Variants in LEMD3 observed in about 807,000 individuals in gnomAD.
LEMD3 encodes inner nuclear membrane protein Man1.
In LEMD3, 33 loss-of-function variants were observed where a neutral mutation model predicts 95.2. That is an observed-to-expected ratio of 0.35 (90% CI 0.26 to 0.46). The LOEUF (loss-of-function observed/expected upper bound fraction) is 0.46. Ranked by LOEUF, LEMD3 falls within the 20% of genes least tolerant of loss-of-function variation. The pLI is 1.00. For missense variants in LEMD3, 1,210 were observed against 1,192.8 expected, an observed-to-expected ratio of 1.01 and a Z score of -0.21; for synonymous variants, 525 against 474.6, an observed-to-expected ratio of 1.11 and a Z score of -1.38.
At chr12:65,195,740 T>C (rs1367440469) in intron 1 of LEMD3, among the ~76,000 whole-genome samples, 7 of 152,136 alleles carry the variant, frequency 4.6e-5, no homozygotes, top group Non-Finnish European at 8.8e-5. Flanking sequence ...AAGCTAGTTA[T>C]ATAGGTTTAA....
chr12:65,227,332 C>T (rs1256175538), intron 4 of LEMD3, among the ~76,000 whole-genome samples: 2 of 152,118 alleles, frequency 1.3e-5, no homozygotes, highest in Non-Finnish European at 2.9e-5. Context: ...GATTTGATCT[C>T]TGAGAGGTAA....
At chr12:65,203,792 C>T (rs1041935101) in intron 1 of LEMD3, among the ~76,000 whole-genome samples, 3 of 151,956 alleles carry the variant, frequency 2.0e-5, no homozygotes, top group Non-Finnish European at 4.4e-5. Context: ...CAGTTTTTGC[C>T]TCACATATTT....
intron 4 of LEMD3, among the ~76,000 whole-genome samples, chr12:65,227,865 A>C (rs1157185496): frequency 6.6e-6 from 1 of 152,078 alleles, no homozygotes; most frequent in African/African-American, 2.4e-5. Context: ...AATAAGGAAA[A>C]AAAAAAAGAC....
chr12:65,219,627 A>C (rs903308507), intron 4 of LEMD3, among the ~76,000 whole-genome samples: 4 of 152,162 alleles, frequency 2.6e-5, no homozygotes, highest in African/African-American at 9.7e-5. Flanking sequence ...GTACAACTAT[A>C]TGTGCATTCT....
At position 65,192,494 on chromosome 12, in the gene LEMD3, A is replaced by G. The variant is rs536400909; in HGVS notation, c.1523-18432A>G. ...GTCATTCTTCTTTAGGATGGAAGTT[A>G]CTTTTTCCCTTAACAAAAACACATC... is the stretch of plus-strand genomic sequence containing the variant. On this transcript the variant is annotated intron_variant, in intron 1 of 12. Transcript: ENST00000308330. Among the ~76,000 whole-genome samples, 5 of 152,182 alleles carry G rather than the reference A, an allele frequency of 3.3e-5. No homozygotes were observed. In the South Asian group the frequency reaches 1.0e-3, roughly 32 times the overall value.
At chr12:65,238,062 A>T (rs991289966) in intron 4 of LEMD3, among the ~76,000 whole-genome samples, 3 of 152,144 alleles carry the variant, frequency 2.0e-5, no homozygotes, top group Non-Finnish European at 4.4e-5. Context: ...TGAGGTCAGG[A>T]GTTTAAGTCC....
At chr12:65,227,340 TAATACCGTA>T (rs1870481707) in intron 4 of LEMD3, among the ~76,000 whole-genome samples, 1 of 152,154 alleles carries the variant, frequency 6.6e-6, no homozygotes, top group South Asian at 2.1e-4. Context: ...CTCTGAGAGG[TAATACCGTA>T]GATCTGTGTT....
intron 1 of LEMD3, among the ~76,000 whole-genome samples, chr12:65,197,881 C>T (rs1869481372): frequency 6.6e-6 from 1 of 152,068 alleles, no homozygotes; most frequent in African/African-American, 2.4e-5. Flanking sequence ...TGTGCGTTTG[C>T]TCTCTCCAGT....
intron 10 of LEMD3, among the ~76,000 whole-genome samples, chr12:65,244,798 G>T (rs1871047378): frequency 6.6e-6 from 1 of 151,664 alleles, no homozygotes; most frequent in Admixed American, 6.6e-5. Context: ...AAATACAAAA[G>T]AAATTAGCCA....
Position 65,169,616 on chromosome 12 carries a change from C to T in LEMD3, c.20C>T (p.Ser7Leu), listed in dbSNP as rs768011921. The change falls in exon 1 of 13, where the codon TCG becomes TTG. Residue 7 changes from serine to leucine, a missense_variant. By Grantham distance (145) the Ser-to-Leu change is moderately radical (BLOSUM62 -2). Coordinates refer to ENST00000308330, the MANE Select transcript of LEMD3 (RefSeq NM_014319.5). ...GAGAAAATGGCGGCGGCAGCAGCTTCGGCGCCTCAGCAGCTCTCGGATGAG... is the reference window on the plus strand; with the variant it reads ...GAGAAAATGGCGGCGGCAGCAGCTTTGGCGCCTCAGCAGCTCTCGGATGAG... MAAAAA[S>L]APQQLSDEEL... 3 of 1,587,924 alleles carry T rather than the reference C, an allele frequency of 1.9e-6. No individual in the cohort carries two copies. Among genetic ancestry groups the T allele is most frequent in the Non-Finnish European group, 2.6e-6 (3 of 1,169,500 alleles).
intron 1 of LEMD3, among the ~76,000 whole-genome samples, chr12:65,172,938 A>C (rs1029028612): frequency 3.9e-5 from 6 of 151,978 alleles, no homozygotes; most frequent in Non-Finnish European, 5.9e-5. Flanking sequence ...CCATGTTAGC[A>C]GATCTGGCCA....
At chr12:65,244,263 A>G (rs1396112624) in intron 10 of LEMD3, among the ~76,000 whole-genome samples, 1 of 148,156 alleles carries the variant, frequency 6.7e-6, no homozygotes, top group East Asian at 2.0e-4. Context: ...GCACGTGGGC[A>G]CGCGCACACA....
In LEMD3 at chr12:65,219,772, T is replaced by G. The variant is rs147932150; in HGVS notation, c.1695+1153T>G. ...TACTTTCTTCCTCCATCAGTGTGATTAACAGATACCTCATATAAGTTGAAT... is the reference window on the plus strand; with the variant it reads ...TACTTTCTTCCTCCATCAGTGTGATGAACAGATACCTCATATAAGTTGAAT... On this transcript the variant is annotated intron_variant, in intron 4 of 12. Coordinates refer to ENST00000308330, the MANE Select transcript of LEMD3 (RefSeq NM_014319.5). Among the ~76,000 whole-genome samples, 226 of 152,324 alleles carry G rather than the reference T, an allele frequency of 1.5e-3. 4 individuals carry two copies. In the East Asian group the frequency reaches 0.034, roughly 23 times the overall value.
intron 1 of LEMD3, among the ~76,000 whole-genome samples, chr12:65,201,511 A>T (rs774597831): frequency 1.1e-4 from 17 of 152,128 alleles, no homozygotes; most frequent in Non-Finnish European, 2.4e-4. Flanking sequence ...GATTTTGTAC[A>T]TGTTTTGTTA....
rs1326760460 is a variant in LEMD3 at position 65,243,398 on chromosome 12, A to G, written c.2316A>G (p.Leu772=). 6.3e-7 allele frequency: 1 copy of G among 1,585,324 alleles called. No individual in the cohort carries two copies. Among genetic ancestry groups the G allele is most frequent in the East Asian group, 2.2e-5 (1 of 44,672 alleles). The stretch of plus-strand genomic sequence containing the variant: ...ACTTGTTTTTTGTAGCATTTCATTT[A>G]GATAGAAGAAATTCACCACCAAATA... The part of the protein sequence containing the change: ...SKVWQGQAFH[L]DRRNSPPNSL... Residue 772 remains leucine (L), a synonymous_variant, in exon 10 of 13, where the codon TTA becomes TTG. Transcript: ENST00000308330.
chr12:65,186,007 A>T (rs1869049290), intron 1 of LEMD3, among the ~76,000 whole-genome samples: 1 of 152,066 alleles, frequency 6.6e-6, no homozygotes, highest in African/African-American at 2.4e-5. Context: ...GTGTTATTTT[A>T]TAAACGTGCT....
chr12:65,208,295 C>T (rs945446119), intron 1 of LEMD3, among the ~76,000 whole-genome samples: 11 of 151,960 alleles, frequency 7.2e-5, no homozygotes, highest in Non-Finnish European at 1.2e-4. Context: ...CTGCAAGGCT[C>T]TGCCTTTAGG....
rs779756206 is a variant in LEMD3 at position 65,246,329 on chromosome 12, G to T, written c.*4G>T. The T allele has an allele frequency of 3.7e-6, 6 of 1,609,312 alleles. No individual in the cohort carries two copies. Among genetic ancestry groups the T allele is most frequent in the Non-Finnish European group, 5.1e-6 (6 of 1,176,414 alleles). On this transcript the variant is annotated 3_prime_UTR_variant, in exon 13 of 13. Coordinates refer to ENST00000308330, the MANE Select transcript of LEMD3 (RefSeq NM_014319.5). Reference sequence around the variant, plus strand: ...CAATTCTCAAGGAAGTTCCTGAAAAGATTTTCTTCCATTTCTAAGACTGTT... The same window carrying T: ...CAATTCTCAAGGAAGTTCCTGAAAATATTTTCTTCCATTTCTAAGACTGTT...
chr12:65,184,121 A>G (rs774102903), intron 1 of LEMD3, among the ~76,000 whole-genome samples: 11 of 152,158 alleles, frequency 7.2e-5, no homozygotes, highest in Non-Finnish European at 1.2e-4. Flanking sequence ...TTGAATTGTA[A>G]ATATTTTTTC....
Sources: allele counts gnomAD v4.1 joint callset (sites outside exome capture counted in the v4.1 genomes callset), GRCh38; gene constraint gnomAD v4.1.1; transcripts MANE v1.5; gene names NCBI Gene and HGNC (gene_info 2026-07-23, HGNC 2026-07-21).